Variants in GOLM1 observed in about 807,000 individuals in gnomAD.
GOLM1 encodes epididymis luminal protein 46.
In GOLM1, 31 loss-of-function variants were observed where a neutral mutation model predicts 50.5. The observed-to-expected ratio is 0.61, with a 90% CI of 0.46 to 0.83. GOLM1 has a LOEUF of 0.83. GOLM1 is among the 40% of genes least tolerant of loss of function. The probability of loss-of-function intolerance (pLI) is 0.00; values close to 1 mark genes in which losing one functional copy is unlikely to be tolerated. For missense variants in GOLM1, 491 were observed against 501.3 expected (o/e 0.98, Z 0.20); for synonymous variants, 178 against 192.8 (o/e 0.92, Z 0.64).
At chr9:86,053,588 ACAC>A (rs1833868433) in intron 3 of GOLM1, among the ~76,000 whole-genome samples, 50 of 1,278 alleles carry the variant, frequency 0.039, no homozygotes, top group African/African-American at 0.084. Context: ...ACCACACACC[ACAC>A]CACTCCACAC....
intron 3 of GOLM1, among the ~76,000 whole-genome samples, chr9:86,076,878 A>G (rs898219236): frequency 6.6e-6 from 1 of 151,858 alleles, no homozygotes; most frequent in Non-Finnish European, 1.5e-5. Flanking sequence ...AAAAAGACAC[A>G]TAAAGCTTAG....
chr9:86,051,055 T>C (rs1761695430), intron 4 of GOLM1, among the ~76,000 whole-genome samples: 1 of 152,216 alleles, frequency 6.6e-6, no homozygotes, highest in Non-Finnish European at 1.5e-5. Flanking sequence ...GAGATTCTGG[T>C]ATGTTGTGTC....
intron 3 of GOLM1, among the ~76,000 whole-genome samples, chr9:86,067,400 T>G: frequency 6.6e-6 from 1 of 152,258 alleles, no homozygotes; most frequent in East Asian, 1.9e-4. Context: ...CTGTTTTATA[T>G]GTACACATAT....
intron 6 of GOLM1, among the ~76,000 whole-genome samples, chr9:86,037,450 A>G (rs992152477): frequency 1.3e-5 from 2 of 151,980 alleles, no homozygotes; most frequent in African/African-American, 4.8e-5. Context: ...AAAAAAAAAA[A>G]AAAAAAAAGA....
intron 8 of GOLM1, among the ~76,000 whole-genome samples, chr9:86,034,236 T>C (rs373499886): frequency 2.0e-5 from 3 of 152,320 alleles, no homozygotes; most frequent in African/African-American, 2.4e-5. Context: ...GTGCTGGGAT[T>C]ACAGGCATGA....
At chr9:86,031,864 T>C (rs1286201453) in intron 9 of GOLM1, among the ~76,000 whole-genome samples, 1 of 144,994 alleles carries the variant, frequency 6.9e-6, no homozygotes, top group African/African-American at 2.6e-5. Context: ...GACGCCAGGT[T>C]GCAGTCAGCC....
At chr9:86,079,546 T>C in intron 1 of GOLM1, 1 of 403,208 alleles carries the variant, frequency 2.5e-6, no homozygotes, top group Non-Finnish European at 4.4e-6. Flanking sequence ...CAGGGCAGTG[T>C]GGCCAGTTCC....
At position 86,040,912 on chromosome 9, in the gene GOLM1, G is replaced by A. The variant is rs368498670; in HGVS notation, c.468-44C>T. The A allele has an allele frequency of 4.3e-5, 68 of 1,597,628 alleles. 1 individual carries two copies. In the South Asian group the frequency reaches 7.5e-4, roughly 18 times the overall value. ...AAGGAAGGGCCTGACGTCTATGACT[G>A]TGTCTCTGCTGGACGGTGACATCCA... On this transcript the variant is annotated intron_variant, in intron 5 of 9. Transcript: ENST00000388712.
chr9:86,047,798 A>C (rs1314178032), intron 4 of GOLM1, among the ~76,000 whole-genome samples: 1 of 152,214 alleles, frequency 6.6e-6, no homozygotes, highest in Admixed American at 6.5e-5. Flanking sequence ...ACGAATCGCA[A>C]ATAACTATGC....
rs1832782148 is a variant in GOLM1 at position 86,026,336 on chromosome 9, G to C, written c.*1481C>G. On this transcript the variant is annotated 3_prime_UTR_variant, in exon 10 of 10. Transcript: ENST00000388712. ...ATTTTATCTAAGTTGCCTTTTCTGG[G>C]TGGGAAAGTTTAACCTTAGTGACTA... The C allele has an allele frequency of 1.0e-6, 1 of 984,944 alleles. No homozygotes were observed. The highest frequency in any genetic ancestry group is 4.7e-5 in the South Asian group (1 of 21,270). The allele number at this position is 984,944 out of a possible 1,614,324, so 61.0% of individuals were successfully genotyped here.
chr9:86,090,125 G>A (rs563479174), intron 1 of GOLM1, among the ~76,000 whole-genome samples: 17 of 152,234 alleles, frequency 1.1e-4, no homozygotes, highest in African/African-American at 3.1e-4. Flanking sequence ...AAGCTTTGTC[G>A]CAGAGGGGCA....
intron 6 of GOLM1, among the ~76,000 whole-genome samples, chr9:86,038,245 CAGGCTCTCAGTGAATATTAGAGAA>C (rs1379053976): frequency 1.3e-5 from 2 of 152,122 alleles, no homozygotes; most frequent in East Asian, 3.9e-4. Context: ...GGAGCTCAAC[CAGGCTCTCAGTGAATATTAGAGAA>C]AGGCTCTCAG....
chr9:86,071,187 C>T, intron 3 of GOLM1, among the ~76,000 whole-genome samples: 1 of 152,054 alleles, frequency 6.6e-6, no homozygotes, highest in Non-Finnish European at 1.5e-5. Flanking sequence ...ACCTCAAACT[C>T]CTGGGCTCAA....
chr9:86,072,055 G>A (rs1485020518), intron 3 of GOLM1, among the ~76,000 whole-genome samples: 1 of 152,176 alleles, frequency 6.6e-6, no homozygotes, highest in Non-Finnish European at 1.5e-5. Context: ...CAAAAAGCAA[G>A]TTATAAAATG....
At chr9:86,053,796 CACA>C (rs1220150008) in intron 3 of GOLM1, among the ~76,000 whole-genome samples, 25 of 148,318 alleles carry the variant, frequency 1.7e-4, no homozygotes, top group Non-Finnish European at 3.4e-4. Flanking sequence ...TACCGCTCCA[CACA>C]ACACCATACA....
intron 3 of GOLM1, among the ~76,000 whole-genome samples, chr9:86,059,132 T>C (rs1301728654): frequency 1.3e-5 from 2 of 152,172 alleles, no homozygotes; most frequent in African/African-American, 2.4e-5. Flanking sequence ...TGTGAAAGTC[T>C]GTCAGTTTCT....
At chr9:86,034,707 G>GT (rs1400428041) in intron 8 of GOLM1, among the ~76,000 whole-genome samples, 3 of 152,204 alleles carry the variant, frequency 2.0e-5, no homozygotes, top group Non-Finnish European at 2.9e-5. Flanking sequence ...CTGCAAATAA[G>GT]TGTATTCTCC....
chr9:86,066,652 C>T (rs1302095110), intron 3 of GOLM1, among the ~76,000 whole-genome samples: 1 of 152,258 alleles, frequency 6.6e-6, no homozygotes, highest in Non-Finnish European at 1.5e-5. Flanking sequence ...TGTGCAGCTG[C>T]GAGAAACCAG....
Position 86,040,223 on chromosome 9 carries a change from G to C in GOLM1, c.597+516C>G, listed in dbSNP as rs1472632049. On this transcript the variant is annotated intron_variant, in intron 6 of 9. Transcript: ENST00000388712. ...ACCCATGAATTGTAAATTTTCTATG[G>C]GTGAATCATAGGGAATGCAAATTAT... Among the ~76,000 whole-genome samples the C allele has an allele frequency of 2.6e-5, 4 of 152,078 alleles. No individual in the cohort carries two copies. The East Asian group carries it at 7.7e-4, about 29-fold the overall frequency.
Sources: allele counts gnomAD v4.1 joint callset (sites outside exome capture counted in the v4.1 genomes callset), GRCh38; gene constraint gnomAD v4.1.1; transcripts MANE v1.5; gene names NCBI Gene and HGNC (gene_info 2026-07-23, HGNC 2026-07-21).